The following OPCML variants were observed in gnomAD, a reference collection of about 807,000 sequenced individuals.
The protein encoded by OPCML is opioid binding protein/cell adhesion molecule like.
A neutral mutation model predicts 37.8 loss-of-function variants in OPCML; 13 were observed. The ratio of observed to expected loss-of-function variants is 0.34; its 90% confidence interval spans 0.22 to 0.55. OPCML has a LOEUF of 0.55. OPCML is among the 20% of genes least tolerant of loss of function. The pLI is 0.91. For synonymous variants in OPCML, 176 were observed against 168.8 expected, an observed-to-expected ratio of 1.04 and a Z score of -0.33; for missense variants, 341 against 435.6, an observed-to-expected ratio of 0.78 and a Z score of 1.93.
At chr11:133,224,619 G>A (rs1939963392) in intron 1 of OPCML, among the ~76,000 whole-genome samples, 1 of 152,194 alleles carries the variant, frequency 6.6e-6, no homozygotes, top group African/African-American at 2.4e-5. Flanking sequence ...GGCTCACCCG[G>A]GCCAGATGCC....
chr11:132,485,364 T>C (rs1592248334), intron 4 of OPCML, among the ~76,000 whole-genome samples: 1 of 152,122 alleles, frequency 6.6e-6, no homozygotes, highest in African/African-American at 2.4e-5. Context: ...GTGTTTTTTG[T>C]TTGTTTGTTT....
intron 1 of OPCML, among the ~76,000 whole-genome samples, chr11:133,329,000 T>C (rs1457475318): frequency 6.6e-6 from 1 of 152,108 alleles, no homozygotes; most frequent in East Asian, 1.9e-4. Flanking sequence ...GGATACAAAA[T>C]CAATGTACAA....
chr11:133,012,734 G>C (rs958797455), intron 1 of OPCML, among the ~76,000 whole-genome samples: 1 of 151,944 alleles, frequency 6.6e-6, no homozygotes, highest in South Asian at 2.1e-4. Context: ...AATTAGACGG[G>C]CATGGTGGCA....
intron 1 of OPCML, among the ~76,000 whole-genome samples, chr11:133,197,397 C>A (rs1257813072): frequency 6.6e-6 from 1 of 152,162 alleles, no homozygotes; most frequent in Non-Finnish European, 1.5e-5. Context: ...AGGCAGCTAC[C>A]TTTTCATTTC....
At chr11:132,850,353 T>C (rs2659615) in intron 2 of OPCML, among the ~76,000 whole-genome samples, 107,476 of 152,060 alleles carry the variant, frequency 0.71, 38,302 homozygotes, top group African/African-American at 0.79. Flanking sequence ...CCTTTGCCCA[T>C]TAAAAGGCTC....
intron 2 of OPCML, among the ~76,000 whole-genome samples, chr11:132,674,418 T>A (rs1162834063): frequency 6.6e-6 from 1 of 152,184 alleles, no homozygotes; most frequent in Non-Finnish European, 1.5e-5. Context: ...AAGGCTGAAC[T>A]TTTTGGCAGG....
At chr11:132,875,973 C>T (rs1942994871) in intron 2 of OPCML, among the ~76,000 whole-genome samples, 1 of 152,166 alleles carries the variant, frequency 6.6e-6, no homozygotes, top group Admixed American at 6.5e-5. Context: ...CTTAAGAAGG[C>T]AGATGGGATC....
chr11:133,251,222 C>G (rs1052456729), intron 1 of OPCML, among the ~76,000 whole-genome samples: 3 of 152,072 alleles, frequency 2.0e-5, no homozygotes, highest in African/African-American at 7.2e-5. Flanking sequence ...CAACAGAAGC[C>G]TCTTTATAGA....
chr11:133,352,874 C>A (rs890236113), intron 1 of OPCML, among the ~76,000 whole-genome samples: 5 of 152,118 alleles, frequency 3.3e-5, no homozygotes, highest in Admixed American at 3.3e-4. Context: ...ACTTCATGAC[C>A]TTGGGACAAT....
chr11:132,750,679 G>A (rs775493193), intron 2 of OPCML, among the ~76,000 whole-genome samples: 2 of 152,084 alleles, frequency 1.3e-5, no homozygotes, highest in Non-Finnish European at 2.9e-5. Flanking sequence ...ACAAATCCAC[G>A]TACGATATTT....
At chr11:132,911,375 G>A (rs2136541948) in intron 2 of OPCML, among the ~76,000 whole-genome samples, 1 of 152,310 alleles carries the variant, frequency 6.6e-6, no homozygotes, top group Middle Eastern at 3.4e-3. Flanking sequence ...ATTCTATGGT[G>A]CAGAAAGAGA....
At chr11:132,752,459 T>C (rs1242870835) in intron 2 of OPCML, among the ~76,000 whole-genome samples, 18 of 152,250 alleles carry the variant, frequency 1.2e-4, no homozygotes, top group Non-Finnish European at 8.8e-5. Flanking sequence ...AACAAATATA[T>C]TTACACTGTA....
At chr11:132,859,077 T>C (rs1461650132) in intron 2 of OPCML, among the ~76,000 whole-genome samples, 4 of 152,216 alleles carry the variant, frequency 2.6e-5, no homozygotes, top group African/African-American at 7.2e-5. Flanking sequence ...TCATTTCATT[T>C]CAGAATTTGC....
chr11:132,465,951 G>A (rs567620131), intron 4 of OPCML, among the ~76,000 whole-genome samples: 1 of 152,218 alleles, frequency 6.6e-6, no homozygotes, highest in East Asian at 1.9e-4. Flanking sequence ...TAATTGACAC[G>A]TATTCAGCTC....
chr11:132,828,996 A>G (rs1940528747), intron 2 of OPCML, among the ~76,000 whole-genome samples: 1 of 152,214 alleles, frequency 6.6e-6, no homozygotes, highest in East Asian at 1.9e-4. Context: ...GAAAACTTAA[A>G]TAACTTTCCC....
At chr11:132,970,092 T>C (rs1271603752) in intron 1 of OPCML, among the ~76,000 whole-genome samples, 1 of 152,178 alleles carries the variant, frequency 6.6e-6, no homozygotes, top group Non-Finnish European at 1.5e-5. Context: ...TAGTGACTCA[T>C]CCATCTCCCT....
chr11:132,593,949 C>G (rs920059037), intron 3 of OPCML, among the ~76,000 whole-genome samples: 1 of 152,160 alleles, frequency 6.6e-6, no homozygotes, highest in African/African-American at 2.4e-5. Context: ...AACATACTGT[C>G]TCAGTCAATT....
intron 3 of OPCML, among the ~76,000 whole-genome samples, chr11:132,552,682 T>C (rs943301394): frequency 6.6e-6 from 1 of 151,932 alleles, no homozygotes; most frequent in Admixed American, 6.6e-5. Flanking sequence ...CTCCTATTCA[T>C]CCTGTTAAAC....
intron 2 of OPCML, among the ~76,000 whole-genome samples, chr11:132,845,506 C>T (rs1170601053): frequency 6.6e-6 from 1 of 152,172 alleles, no homozygotes; most frequent in African/African-American, 2.4e-5. Flanking sequence ...ACTACACTGA[C>T]AGTTTTCCTC....
Sources: allele counts gnomAD v4.1 joint callset (sites outside exome capture counted in the v4.1 genomes callset), GRCh38; gene constraint gnomAD v4.1.1; transcripts MANE v1.5; gene names NCBI Gene and HGNC (gene_info 2026-07-23, HGNC 2026-07-21).